The following CAST variants were observed in gnomAD, a reference collection of about 807,000 sequenced individuals.
The protein encoded by CAST is calpastatin, also known as MIR583 host.
In CAST, 76 loss-of-function variants were observed where a neutral mutation model predicts 119.6. The ratio of observed to expected loss-of-function variants is 0.64; its 90% CI spans 0.53 to 0.77. The LOEUF (loss-of-function observed/expected upper bound fraction) is 0.77, where lower values mean the gene tolerates loss of function less well. Among genes scored for constraint, CAST ranks in the 30% least tolerant of loss-of-function variants. The pLI, the probability that CAST is intolerant of heterozygous loss-of-function variation, is 0.00. For missense variants in CAST, 953 were observed against 946.5 expected, an observed-to-expected ratio of 1.01 and a Z score of -0.09; for synonymous variants, 319 against 331.6, an observed-to-expected ratio of 0.96 and a Z score of 0.41.
At chr5:96,612,269 T>A (rs1047941933) in intron 1 of CAST, among the ~76,000 whole-genome samples, 4 of 152,226 alleles carry the variant, frequency 2.6e-5, no homozygotes, top group African/African-American at 9.6e-5. Context: ...AATGAAATCA[T>A]GTCCTTTGCA....
At chr5:96,170,059 G>A in the CAST span, among the ~76,000 whole-genome samples, 1 of 152,098 alleles carries the variant, frequency 6.6e-6, no homozygotes, top group African/African-American at 2.4e-5. Context: ...GATTAAGAAG[G>A]GTATGGACTT....
At chr5:95,981,581 A>T in the CAST span, among the ~76,000 whole-genome samples, 3 of 152,180 alleles carry the variant, frequency 2.0e-5, no homozygotes, top group Non-Finnish European at 4.4e-5. Flanking sequence ...CTATCCCTTA[A>T]AAAGCATTTT....
chr5:96,313,523 T>A, the CAST span, among the ~76,000 whole-genome samples: 9 of 152,352 alleles, frequency 5.9e-5, no homozygotes, highest in Middle Eastern at 3.4e-3. Flanking sequence ...TTCTTTTTAT[T>A]GCTATATAGA....
the CAST span, among the ~76,000 whole-genome samples, chr5:96,359,348 G>T: frequency 6.6e-6 from 1 of 152,112 alleles, no homozygotes; most frequent in South Asian, 2.1e-4. Flanking sequence ...GGTTAATATT[G>T]TTACGTGTGA....
At chr5:96,631,803 A>C (rs551207743) in intron 1 of CAST, among the ~76,000 whole-genome samples, 1 of 152,082 alleles carries the variant, frequency 6.6e-6, no homozygotes. Flanking sequence ...AAGTGCTGGG[A>C]TTACAGGCGT....
At chr5:96,152,418 G>T in the CAST span, among the ~76,000 whole-genome samples, 2 of 152,154 alleles carry the variant, frequency 1.3e-5, no homozygotes. Context: ...CTGGCTTTCA[G>T]TCTCTACCAG....
At chr5:96,616,577 C>G (rs948856149) in intron 1 of CAST, among the ~76,000 whole-genome samples, 4 of 152,098 alleles carry the variant, frequency 2.6e-5, no homozygotes, top group Non-Finnish European at 4.4e-5. Flanking sequence ...GGCACTGGTA[C>G]CATCTTCACT....
the CAST span, among the ~76,000 whole-genome samples, chr5:96,420,921 G>A: frequency 1.3e-5 from 2 of 152,158 alleles, no homozygotes; most frequent in Non-Finnish European, 2.9e-5. Flanking sequence ...TTAGATGCTT[G>A]GCTTTTTCCA....
the CAST span, among the ~76,000 whole-genome samples, chr5:96,280,013 GTTTA>G: frequency 6.6e-6 from 1 of 152,188 alleles, no homozygotes; most frequent in Non-Finnish European, 1.5e-5. Flanking sequence ...GTAGAGGCAT[GTTTA>G]TTTGTTTTCT....
the CAST span, among the ~76,000 whole-genome samples, chr5:96,388,281 T>C: frequency 6.6e-6 from 1 of 152,238 alleles, no homozygotes; most frequent in African/African-American, 2.4e-5. Flanking sequence ...AGCAACAACA[T>C]ACAGGCTTAG....
the CAST span, among the ~76,000 whole-genome samples, chr5:96,270,894 C>T: frequency 6.6e-6 from 1 of 151,766 alleles, no homozygotes; most frequent in African/African-American, 2.4e-5. Flanking sequence ...AAAAAAGACT[C>T]CAAAAATAAA....
chr5:96,439,998 ATTACT>A, the CAST span, among the ~76,000 whole-genome samples: 1 of 152,168 alleles, frequency 6.6e-6, no homozygotes, highest in Admixed American at 6.5e-5. Flanking sequence ...CCCACGGCAC[ATTACT>A]TTAAAAGTTC....
At chr5:96,048,927 T>C in the CAST span, among the ~76,000 whole-genome samples, 3 of 152,162 alleles carry the variant, frequency 2.0e-5, no homozygotes, top group African/African-American at 7.2e-5. Context: ...AGGAGCCATG[T>C]AGGATCAAAG....
At chr5:96,378,362 ATG>A in the CAST span, among the ~76,000 whole-genome samples, 1 of 152,082 alleles carries the variant, frequency 6.6e-6, no homozygotes, top group African/African-American at 2.4e-5. Flanking sequence ...GAAAATAAGA[ATG>A]GTAACTATGT....
intron 1 of CAST, among the ~76,000 whole-genome samples, chr5:96,575,617 T>G (rs770439206): frequency 6.6e-6 from 1 of 152,064 alleles, no homozygotes; most frequent in Non-Finnish European, 1.5e-5. Context: ...GCATTGGATT[T>G]TTTCAAATGC....
chr5:96,195,134 GT>G, the CAST span, among the ~76,000 whole-genome samples: 5 of 152,302 alleles, frequency 3.3e-5, no homozygotes, highest in East Asian at 9.6e-4. Flanking sequence ...ACCCATTTCA[GT>G]TTAATATAAA....
chr5:96,693,521 A>C (rs1752965243), intron 2 of CAST, among the ~76,000 whole-genome samples: 1 of 152,236 alleles, frequency 6.6e-6, no homozygotes, highest in East Asian at 1.9e-4. Flanking sequence ...TGTAGCTAAG[A>C]TCAAAAGCTA....
chr5:96,059,775 T>C, the CAST span, among the ~76,000 whole-genome samples: 1 of 152,126 alleles, frequency 6.6e-6, no homozygotes, highest in Non-Finnish European at 1.5e-5. Flanking sequence ...GTTCTTGGCC[T>C]GTGGGGTGAG....
chr5:96,176,317 A>G, the CAST span, among the ~76,000 whole-genome samples: 1 of 152,250 alleles, frequency 6.6e-6, no homozygotes, highest in East Asian at 1.9e-4. Flanking sequence ...CTGATTACAG[A>G]TAAGCTTTGC....
Sources: allele counts gnomAD v4.1 joint callset (sites outside exome capture counted in the v4.1 genomes callset), GRCh38; gene constraint gnomAD v4.1.1; transcripts MANE v1.5; gene names NCBI Gene and HGNC (gene_info 2026-07-23, HGNC 2026-07-21).